The following NBAS variants were observed in gnomAD, a reference collection of about 807,000 sequenced individuals.
The protein encoded by NBAS is NBAS subunit of NRZ tethering complex.
In NBAS, 219 loss-of-function variants were observed where a neutral mutation model predicts 302.5. The ratio of observed to expected loss-of-function variants is 0.72; its 90% CI spans 0.65 to 0.81. The LOEUF (loss-of-function observed/expected upper bound fraction) is 0.81, where lower values mean the gene tolerates loss of function less well. NBAS is among the 30% of genes least tolerant of loss of function. The pLI is 0.00. For synonymous variants in NBAS, 1,118 were observed against 1,021.6 expected (o/e 1.09, Z -1.80); for missense variants, 2,932 against 2,841.6 (o/e 1.03, Z -0.72).
the NBAS span, among the ~76,000 whole-genome samples, chr2:15,147,145 G>A: frequency 6.6e-6 from 1 of 152,250 alleles, no homozygotes; most frequent in South Asian, 2.1e-4. Context: ...ACCTGAGACG[G>A]GTAGGGAAAT....
the NBAS span, among the ~76,000 whole-genome samples, chr2:14,848,654 C>T: frequency 7.1e-6 from 1 of 141,190 alleles, no homozygotes; most frequent in Non-Finnish European, 1.5e-5. Context: ...ATAGCAGTAA[C>T]CTCTGCAGAC....
chr2:14,945,931 T>A, the NBAS span, among the ~76,000 whole-genome samples: 23,691 of 151,890 alleles, frequency 0.16, 2,551 homozygotes, highest in African/African-American at 0.31. Flanking sequence ...AAATACAAAA[T>A]TTAGCCAGAC....
intron 16 of NBAS, among the ~76,000 whole-genome samples, chr2:15,472,131 CTG>C (rs1421139682): frequency 1.3e-5 from 2 of 152,176 alleles, no homozygotes; most frequent in Non-Finnish European, 2.9e-5. Context: ...AAAGCCAGCT[CTG>C]TGGTAGCATA....
intron 44 of NBAS, among the ~76,000 whole-genome samples, chr2:15,272,733 GAGAA>G (rs1365670364): frequency 1.3e-5 from 2 of 151,112 alleles, no homozygotes; most frequent in Non-Finnish European, 2.9e-5. Flanking sequence ...TCTGAGCTAA[GAGAA>G]AGCAATACAG....
chr2:15,142,869 T>C, the NBAS span, among the ~76,000 whole-genome samples: 5 of 152,332 alleles, frequency 3.3e-5, no homozygotes, highest in East Asian at 9.6e-4. Flanking sequence ...AAGGAAGATG[T>C]TGAAACGTTA....
the NBAS span, among the ~76,000 whole-genome samples, chr2:14,823,468 C>G: frequency 6.6e-6 from 1 of 152,164 alleles, no homozygotes; most frequent in South Asian, 2.1e-4. Flanking sequence ...AATGAGGAAA[C>G]AGAACCTAGA....
Position 15,292,546 on chromosome 2 carries a change from C to G in NBAS, c.5018G>C (p.Gly1673Ala). The G allele has an allele frequency of 6.2e-7, 1 of 1,614,158 alleles. No homozygotes were observed. Among genetic ancestry groups the G allele is most frequent in the South Asian group, 1.1e-5 (1 of 91,084 alleles). ...DDQYKRETIL[G>A]LAETLEESVY... is the part of the protein sequence containing the mutation. ...AAAGGGTATCACTTACTCTGCCAGA[C>G]CAAGGATAGTTTCCCTTTTATACTG... The change falls in exon 41 of 52, where the codon GGT (glycine) becomes GCT (alanine). Residue 1673 changes from glycine (G) to alanine (A), a missense_variant. Gly to Ala is a moderately conservative substitution (Grantham distance 60, BLOSUM62 0). Coordinates refer to ENST00000281513, the MANE Select transcript of NBAS (RefSeq NM_015909.4).
At chr2:15,105,256 C>T in the NBAS span, among the ~76,000 whole-genome samples, 2 of 151,810 alleles carry the variant, frequency 1.3e-5, no homozygotes, top group Admixed American at 6.6e-5. Context: ...CGGGGCCTGT[C>T]AGGGGGTGGG....
chr2:15,352,971 C>A (rs998201727), intron 34 of NBAS, among the ~76,000 whole-genome samples: 4 of 152,094 alleles, frequency 2.6e-5, no homozygotes, highest in African/African-American at 7.2e-5. Flanking sequence ...GGTGTGGGGG[C>A]CCTCTCCCGT....
intron 25 of NBAS, among the ~76,000 whole-genome samples, chr2:15,414,594 A>G (rs1676829261): frequency 2.0e-5 from 3 of 152,268 alleles, no homozygotes; most frequent in African/African-American, 7.2e-5. Context: ...TACCCTTTAG[A>G]AATACAAAGC....
the NBAS span, among the ~76,000 whole-genome samples, chr2:15,127,461 A>T: frequency 2.6e-5 from 4 of 152,208 alleles, no homozygotes; most frequent in Admixed American, 6.5e-5. Flanking sequence ...GTCGCAGCAC[A>T]GCAGTTAATG....
At chr2:15,114,302 C>T in the NBAS span, among the ~76,000 whole-genome samples, 1 of 152,090 alleles carries the variant, frequency 6.6e-6, no homozygotes, top group South Asian at 2.1e-4. Flanking sequence ...CCCCAGAGTC[C>T]TCTCTCCCGG....
At chr2:15,267,900 C>G (rs1024309465) in intron 44 of NBAS, among the ~76,000 whole-genome samples, 1 of 152,040 alleles carries the variant, frequency 6.6e-6, no homozygotes, top group African/African-American at 2.4e-5. Flanking sequence ...TCCCATTTTT[C>G]CACTTTGGCC....
In NBAS at chr2:15,308,373, A is replaced by C. The variant is rs201494397; in HGVS notation, c.4660-20T>G. ...TAACACCTAGGAGGGAACATGTTAG[A>C]ATTAACTCAGCTGAAAGGAAATTAT... is the stretch of plus-strand genomic sequence containing the variant. On this transcript the variant is annotated intron_variant, in intron 39 of 51. Coordinates refer to ENST00000281513, the MANE Select transcript of NBAS (RefSeq NM_015909.4). 5.4e-5 allele frequency: 87 copies of C among 1,613,238 alleles called. No homozygotes were observed. Among genetic ancestry groups the C allele is most frequent in the Non-Finnish European group, 7.3e-5 (86 of 1,179,588 alleles).
At chr2:15,215,307 T>C (rs1666604457) in intron 48 of NBAS, among the ~76,000 whole-genome samples, 2 of 152,124 alleles carry the variant, frequency 1.3e-5, no homozygotes, top group Non-Finnish European at 2.9e-5. Context: ...CGAGAACCAG[T>C]GAGGTAGCAA....
chr2:15,262,649 C>T (rs1668902277), intron 44 of NBAS, among the ~76,000 whole-genome samples: 1 of 152,150 alleles, frequency 6.6e-6, no homozygotes, highest in Non-Finnish European at 1.5e-5. Flanking sequence ...AGATTCAATT[C>T]AATTCAACAC....
chr2:14,809,979 G>C, the NBAS span, among the ~76,000 whole-genome samples: 1 of 152,164 alleles, frequency 6.6e-6, no homozygotes, highest in Non-Finnish European at 1.5e-5. Flanking sequence ...ACTTGCATGG[G>C]GCTTGCAGCC....
At chr2:15,205,445 G>A (rs992406890) in intron 48 of NBAS, among the ~76,000 whole-genome samples, 2 of 149,342 alleles carry the variant, frequency 1.3e-5, no homozygotes, top group African/African-American at 5.0e-5. Context: ...GACTAAATTC[G>A]CCAATCAAAA....
At chr2:14,872,040 C>T in the NBAS span, among the ~76,000 whole-genome samples, 1 of 152,064 alleles carries the variant, frequency 6.6e-6, no homozygotes, top group Non-Finnish European at 1.5e-5. Context: ...CATATAAAAA[C>T]AGACACAGAT....
Sources: gnomAD v4.1 joint callset for allele counts (sites outside exome capture counted in the v4.1 genomes callset) on GRCh38, gnomAD v4.1.1 for gene constraint, MANE v1.5 for transcripts, NCBI Gene and HGNC (gene_info 2026-07-23, HGNC 2026-07-21) for gene names.